COP1: variants seen among roughly 807,000 people sequenced by gnomAD.
COP1 encodes COP1 E3 ubiquitin ligase.
A neutral mutation model predicts 101.3 loss-of-function variants in COP1; 24 were observed. The ratio of observed to expected loss-of-function variants is 0.24; its 90% confidence interval spans 0.17 to 0.33. The LOEUF (loss-of-function observed/expected upper bound fraction) is 0.33, where lower values mean the gene tolerates loss of function less well. Among genes scored for constraint, COP1 ranks in the 10% least tolerant of loss-of-function variants. COP1 has a pLI of 1.00. For missense variants in COP1, 663 were observed against 906.2 expected (o/e 0.73, Z 3.45); for synonymous variants, 347 against 341.9 (o/e 1.01, Z -0.17).
intron 15 of COP1, among the ~76,000 whole-genome samples, chr1:175,995,921 A>G (rs1313732528): frequency 2.0e-5 from 3 of 152,188 alleles, no homozygotes; most frequent in Admixed American, 1.3e-4. Flanking sequence ...TCCTGATACC[A>G]AAGCCTGGCA....
At chr1:176,143,990 C>G (rs1329425972) in intron 6 of COP1, among the ~76,000 whole-genome samples, 1 of 152,100 alleles carries the variant, frequency 6.6e-6, no homozygotes, top group Non-Finnish European at 1.5e-5. Context: ...AAAAAACCTA[C>G]AGAAAACATC....
rs1438334315 is a variant in COP1 at position 176,020,326 on chromosome 1, A to C, written c.1729+7246T>G. 4.0e-5 allele frequency among the ~76,000 whole-genome samples: 6 copies of C among 151,888 alleles called. No individual in the cohort carries two copies. The East Asian group carries it at 7.8e-4, about 20-fold the overall frequency. ...ACTCCATCTCGGAAAAAAAAAAAAA[A>C]AAAAACCTTCATACTCACTAACAGG... On this transcript the variant is annotated intron_variant, in intron 15 of 19. Coordinates refer to ENST00000367669, the MANE Select transcript of COP1 (RefSeq NM_022457.7).
chr1:175,967,705 C>T (rs1044916871), intron 18 of COP1, among the ~76,000 whole-genome samples: 6 of 152,144 alleles, frequency 3.9e-5, no homozygotes, highest in Non-Finnish European at 5.9e-5. Context: ...TTGGTTACAG[C>T]CTTAAAAAAT....
At chr1:176,173,344 AC>A (rs1025617829) in intron 3 of COP1, among the ~76,000 whole-genome samples, 20 of 145,362 alleles carry the variant, frequency 1.4e-4, no homozygotes, top group Non-Finnish European at 2.6e-4. Context: ...AAAAAAAAAA[AC>A]CAGTAATTGG....
chr1:176,203,076 G>A (rs1700443783), intron 1 of COP1, among the ~76,000 whole-genome samples: 1 of 151,918 alleles, frequency 6.6e-6, no homozygotes, highest in Non-Finnish European at 1.5e-5. Context: ...GGTGGCTCAC[G>A]CCTGTAATCC....
intron 11 of COP1, among the ~76,000 whole-genome samples, chr1:176,063,891 T>C (rs139446794): frequency 1.3e-5 from 2 of 152,328 alleles, no homozygotes; most frequent in Non-Finnish European, 2.9e-5. Context: ...TGACAGGTTA[T>C]TACTGTTAAG....
At position 176,156,975 on chromosome 1, in the gene COP1, A is replaced by T. The variant is rs191879831; in HGVS notation, c.762+5894T>A. ...CACTTTTGGAGGCCAAGGCAGGCAG[A>T]TCACCCAAGGCCAGGAGTTCGAGAC... On this transcript the variant is annotated intron_variant, in intron 5 of 19. Coordinates refer to ENST00000367669, the MANE Select transcript of COP1 (RefSeq NM_022457.7). Among the ~76,000 whole-genome samples the T allele has an allele frequency of 6.4e-3, 975 of 152,268 alleles. 6 individuals are homozygous for T. Among genetic ancestry groups the T allele is most frequent in the Non-Finnish European group, 0.01 (698 of 68,012 alleles).
At chr1:176,137,956 T>A (rs1433715849) in intron 6 of COP1, among the ~76,000 whole-genome samples, 3 of 152,116 alleles carry the variant, frequency 2.0e-5, no homozygotes, top group Non-Finnish European at 4.4e-5. Context: ...AGAAAGCCAA[T>A]AGTTGAAATA....
At chr1:176,155,776 G>A (rs951296893) in intron 5 of COP1, among the ~76,000 whole-genome samples, 5 of 151,976 alleles carry the variant, frequency 3.3e-5, no homozygotes, top group East Asian at 1.9e-4. Flanking sequence ...AGAGAAAAAC[G>A]ATATACTAGC....
chr1:176,144,282 A>G (rs1237505943), intron 6 of COP1, among the ~76,000 whole-genome samples: 2 of 152,136 alleles, frequency 1.3e-5, no homozygotes, highest in Non-Finnish European at 2.9e-5. Flanking sequence ...ATCTCCATGT[A>G]AAACCCACCT....
intron 5 of COP1, among the ~76,000 whole-genome samples, chr1:176,160,634 AAAG>A (rs1694182157): frequency 1.3e-5 from 2 of 152,334 alleles, no homozygotes; most frequent in East Asian, 3.9e-4. Flanking sequence ...ACACTTCTCA[AAAG>A]AAGACATTTA....
intron 11 of COP1, among the ~76,000 whole-genome samples, chr1:176,048,894 C>T (rs927188813): frequency 2.6e-5 from 4 of 151,306 alleles, no homozygotes; most frequent in Admixed American, 6.6e-5. Flanking sequence ...AATTAAGGGC[C>T]GGGCGCGGTG....
At chr1:176,036,696 T>A (rs996013998) in intron 14 of COP1, among the ~76,000 whole-genome samples, 2 of 152,192 alleles carry the variant, frequency 1.3e-5, no homozygotes, top group African/African-American at 4.8e-5. Flanking sequence ...GCTAGTGATA[T>A]GTGGTATGAT....
At chr1:175,990,300 G>A (rs1380822944) in intron 15 of COP1, among the ~76,000 whole-genome samples, 1 of 152,030 alleles carries the variant, frequency 6.6e-6, no homozygotes, top group Non-Finnish European at 1.5e-5. Flanking sequence ...ATTTTGGTCA[G>A]AAAACTGTTT....
intron 2 of COP1, 91 bp downstream of exon 2, chr1:176,184,542 T>C (rs1698217588): frequency 1.0e-6 from 1 of 995,808 alleles, no homozygotes; most frequent in Admixed American, 2.3e-5. Flanking sequence ...ATAATCAAAG[T>C]TGGTTTAAAA....
Position 176,162,995 on chromosome 1 carries a change from A to T in COP1, c.643-7T>A, listed in dbSNP as rs1344189268. ...TCTGCCACCTGTGGCCATTCTAAAA[A>T]TGAAGAAAGAAGAAACACAACAACT... On this transcript the variant is annotated splice_polypyrimidine_tract_variant and splice_region_variant and intron_variant, in intron 4 of 19. Transcript: ENST00000367669. The T allele has an allele frequency of 1.3e-6, 2 of 1,590,004 alleles. No individual in the cohort carries two copies. Among genetic ancestry groups the T allele is most frequent in the Admixed American group, 1.8e-5 (1 of 54,574 alleles).
intron 18 of COP1, among the ~76,000 whole-genome samples, chr1:175,984,594 C>T (rs1373174514): frequency 1.3e-5 from 2 of 152,136 alleles, no homozygotes; most frequent in Non-Finnish European, 2.9e-5. Context: ...AGAGGGCCAC[C>T]ATCCGCCAGA....
chr1:176,139,294 A>C (rs1199198357), intron 6 of COP1, among the ~76,000 whole-genome samples: 2 of 151,758 alleles, frequency 1.3e-5, no homozygotes, highest in Admixed American at 6.6e-5. Context: ...AAAACAAAAA[A>C]AAAAAACAAA....
intron 6 of COP1, among the ~76,000 whole-genome samples, chr1:176,140,478 T>C (rs1690500398): frequency 6.6e-6 from 1 of 152,158 alleles, no homozygotes; most frequent in African/African-American, 2.4e-5. Flanking sequence ...GGTGTTTCCA[T>C]TTTAAGATGA....
Sources: allele counts gnomAD v4.1 joint callset (sites outside exome capture counted in the v4.1 genomes callset), GRCh38; gene constraint gnomAD v4.1.1; transcripts MANE v1.5; gene names NCBI Gene and HGNC (gene_info 2026-07-23, HGNC 2026-07-21).